The following TAF15 variants were observed in gnomAD, a reference collection of about 807,000 sequenced individuals.
TAF15 encodes the protein TATA-binding protein-associated factor 2N.
In TAF15, 37 loss-of-function variants were observed where a neutral mutation model predicts 102.5. That is an observed-to-expected ratio of 0.36 (90% CI 0.28 to 0.47). The LOEUF (loss-of-function observed/expected upper bound fraction) is 0.47. Among genes scored for constraint, TAF15 ranks in the 20% least tolerant of loss-of-function variants. The probability of loss-of-function intolerance (pLI) is 0.99; values close to 1 mark genes in which losing one functional copy is unlikely to be tolerated. For synonymous variants in TAF15, 273 were observed against 259.2 expected (o/e 1.05, Z -0.51); for missense variants, 652 against 760.7 (o/e 0.86, Z 1.68).
At chr17:35,816,147 A>G (rs2087192543) in intron 1 of TAF15, among the ~76,000 whole-genome samples, 1 of 152,214 alleles carries the variant, frequency 6.6e-6, no homozygotes, top group African/African-American at 2.4e-5. Context: ...ATTCTTAAGC[A>G]TTAAACAAAA....
At chr17:35,833,682 G>C (rs1010936738) in intron 7 of TAF15, 26 of 543,412 alleles carry the variant, frequency 4.8e-5, no homozygotes, top group Non-Finnish European at 8.2e-5. Flanking sequence ...GAGTATATTA[G>C]ATATGTAATA....
At chr17:35,833,206 A>G (rs2087428328) in intron 7 of TAF15, among the ~76,000 whole-genome samples, 1 of 152,046 alleles carries the variant, frequency 6.6e-6, no homozygotes, top group African/African-American at 2.4e-5. Context: ...TGCTGTCTGT[A>G]ATGTGCACTA....
At chr17:35,823,996 G>A in intron 6 of TAF15, 82 bp from the exon 7 acceptor site, 1 of 1,563,054 alleles carries the variant, frequency 6.4e-7, no homozygotes, top group East Asian at 2.2e-5. Flanking sequence ...GATATGTGTG[G>A]CCTAAAGAGC....
At chr17:35,814,701 A>T (rs1410773823) in intron 1 of TAF15, among the ~76,000 whole-genome samples, 1 of 151,944 alleles carries the variant, frequency 6.6e-6, no homozygotes, top group East Asian at 1.9e-4. Context: ...AAAAATACAA[A>T]AACTAGCCGG....
At chr17:35,825,092 C>G (rs11658222) in intron 7 of TAF15, among the ~76,000 whole-genome samples, 20,706 of 152,152 alleles carry the variant, frequency 0.14, 1,590 homozygotes, top group East Asian at 0.22. Flanking sequence ...CCAGTTCATT[C>G]TTTTGCACCT....
chr17:35,814,817 C>G (rs1034052196), intron 1 of TAF15, among the ~76,000 whole-genome samples: 2 of 151,324 alleles, frequency 1.3e-5, no homozygotes, highest in Non-Finnish European at 2.9e-5. Context: ...CGTGTCACTG[C>G]ACTCCATCCT....
At chr17:35,832,060 A>G (rs2087413860) in intron 7 of TAF15, among the ~76,000 whole-genome samples, 1 of 152,234 alleles carries the variant, frequency 6.6e-6, no homozygotes, top group African/African-American at 2.4e-5. Context: ...CCTGGGCAAC[A>G]GAGCAAGACT....
intron 7 of TAF15, among the ~76,000 whole-genome samples, chr17:35,832,300 G>A (rs150336217): frequency 3.9e-4 from 60 of 152,266 alleles, no homozygotes; most frequent in Non-Finnish European, 7.2e-4. Context: ...GTTTCATATT[G>A]TCTATATTGC....
At chr17:35,819,712 TC>T (rs1041515592) in intron 2 of TAF15, among the ~76,000 whole-genome samples, 12 of 152,272 alleles carry the variant, frequency 7.9e-5, no homozygotes, top group Admixed American at 7.8e-4. Flanking sequence ...TAGTTTTTAT[TC>T]CCCCCACACC....
chr17:35,836,109 A>G (rs1394931981), intron 9 of TAF15, 23 bp from the exon 10 acceptor site: 1 of 1,491,736 alleles, frequency 6.7e-7, no homozygotes, highest in Non-Finnish European at 9.4e-7. Flanking sequence ...ATGTAAAATT[A>G]ACCATCACTT....
chr17:35,836,778 A>G (rs943262401), intron 10 of TAF15, among the ~76,000 whole-genome samples: 2 of 151,652 alleles, frequency 1.3e-5, no homozygotes, highest in East Asian at 3.9e-4. Flanking sequence ...TGTCTGTGGA[A>G]TTACTCTTTT....
intron 1 of TAF15, chr17:35,810,039 C>T: frequency 3.6e-6 from 1 of 280,850 alleles, no homozygotes; most frequent in Non-Finnish European, 6.9e-6. Context: ...TGGAGCTGGG[C>T]CTGCCTGACT....
intron 12 of TAF15, among the ~76,000 whole-genome samples, chr17:35,843,653 A>G (rs1205722670): frequency 2.0e-5 from 3 of 152,214 alleles, no homozygotes; most frequent in Admixed American, 6.5e-5. Flanking sequence ...GAGCACCGAC[A>G]TAATGCTCAA....
chr17:35,838,366 T>A, intron 10 of TAF15, 58 bp from the exon 11 acceptor site: 1 of 1,602,700 alleles, frequency 6.2e-7, no homozygotes, highest in Non-Finnish European at 8.5e-7. Flanking sequence ...ATTATCTAAA[T>A]GATACATGAT....
chr17:35,836,014 TTTCC>T, intron 9 of TAF15, 114 bp from the exon 10 acceptor site: 1 of 720,830 alleles, frequency 1.4e-6, no homozygotes, highest in Non-Finnish European at 2.4e-6. Context: ...ATATTGGTCC[TTTCC>T]TTTTGGTCAT....
Position 35,844,241 on chromosome 17 carries a change from G to A in TAF15, c.1089-39G>A, listed in dbSNP as rs2087582125. On this transcript the variant is annotated intron_variant, in intron 13 of 15. Transcript: ENST00000605844. Reference sequence around the variant, plus strand: ...ACAGAAAGGGGTTCTGAGTCCATTAGAAACTATATAGGAGCATTATATTTT... The same window carrying A: ...ACAGAAAGGGGTTCTGAGTCCATTAAAAACTATATAGGAGCATTATATTTT... 7 of 1,612,838 alleles carry A rather than the reference G, an allele frequency of 4.3e-6. 1 individual carries two copies. The East Asian group carries it at 1.6e-4, about 36-fold the overall frequency.
At chr17:35,832,882 C>T (rs530222091) in intron 7 of TAF15, among the ~76,000 whole-genome samples, 1 of 152,138 alleles carries the variant, frequency 6.6e-6, no homozygotes, top group South Asian at 2.1e-4. Flanking sequence ...TATGTCCTGG[C>T]GCAGTGGCTC....
chr17:35,817,701 T>C lies in TAF15; in HGVS notation c.8-15T>C, dbSNP rs1214057680. On this transcript the variant is annotated splice_polypyrimidine_tract_variant and intron_variant, in intron 1 of 15. Coordinates refer to ENST00000605844, the MANE Select transcript of TAF15 (RefSeq NM_139215.3). ...AATTTTAAATAAGATTTAAAATTCTTTTTATGTGTTCTAGATTCTGGAAGT... is the reference window on the plus strand; with the variant it reads ...AATTTTAAATAAGATTTAAAATTCTCTTTATGTGTTCTAGATTCTGGAAGT... 6.2e-7 allele frequency: 1 copy of C among 1,611,766 alleles called. No individual in the cohort carries two copies. The highest frequency in any genetic ancestry group is 8.5e-7 in the Non-Finnish European group (1 of 1,178,150).
At position 35,831,279 on chromosome 17, in the gene TAF15, C is replaced by T. The variant is rs1809490; in HGVS notation, c.606-2628C>T. 9.2e-3 allele frequency among the ~76,000 whole-genome samples: 1,399 copies of T among 151,840 alleles called. 49 individuals are homozygous for T. Among genetic ancestry groups the T allele is most frequent in the Admixed American group, 0.057 (865 of 15,242 alleles). The stretch of plus-strand genomic sequence containing the variant: ...AAAATTAGCCGGGCATGGTGGCGGG[C>T]GCCTGTAGTCCCAGCTACTCGGGAG... On this transcript the variant is annotated intron_variant, in intron 7 of 15. Transcript: ENST00000605844.
Sources: gnomAD v4.1 joint callset for allele counts (sites outside exome capture counted in the v4.1 genomes callset) on GRCh38, gnomAD v4.1.1 for gene constraint, MANE v1.5 for transcripts, NCBI Gene and HGNC (gene_info 2026-07-23, HGNC 2026-07-21) for gene names.